ARID1B: variants seen among roughly 807,000 people sequenced by gnomAD.
ARID1B encodes the protein AT-rich interactive domain-containing protein 1B.
In ARID1B, 30 loss-of-function variants were observed where a neutral mutation model predicts 212.3. The observed-to-expected ratio is 0.14, with a 90% CI of 0.11 to 0.19. ARID1B has a LOEUF of 0.19. Among genes scored for constraint, ARID1B ranks in the 10% least tolerant of loss-of-function variants. ARID1B has a pLI of 1.00. For synonymous variants in ARID1B, 1,402 were observed against 1,301.7 expected (o/e 1.08, Z -1.66); for missense variants, 2,891 against 3,204.0 (o/e 0.90, Z 2.36).
At chr6:156,910,141 C>T (rs567797066) in intron 3 of ARID1B, among the ~76,000 whole-genome samples, 1 of 152,258 alleles carries the variant, frequency 6.6e-6, no homozygotes, top group Non-Finnish European at 1.5e-5. Flanking sequence ...TTGGTTGTCC[C>T]ACAACAGTGA....
intron 4 of ARID1B, among the ~76,000 whole-genome samples, chr6:157,039,156 T>C (rs1183704557): frequency 2.0e-5 from 3 of 152,048 alleles, no homozygotes; most frequent in East Asian, 3.8e-4. Flanking sequence ...ATTACAGGCG[T>C]TAGCCACTGC....
chr6:157,033,691 A>G (rs1311387266), intron 4 of ARID1B, among the ~76,000 whole-genome samples: 1 of 152,202 alleles, frequency 6.6e-6, no homozygotes, highest in Non-Finnish European at 1.5e-5. Flanking sequence ...TAGGAGAGTG[A>G]GGACTGTAAA....
At chr6:157,188,709 T>C (rs1279928915) in intron 13 of ARID1B, among the ~76,000 whole-genome samples, 1 of 152,194 alleles carries the variant, frequency 6.6e-6, no homozygotes, top group Non-Finnish European at 1.5e-5. Flanking sequence ...TATGTGAGCA[T>C]AGAAGAGAAC....
chr6:156,777,484 C>T lies in ARID1B; in HGVS notation c.-197C>T, dbSNP rs542937694. 12 of 150,948 alleles carry T rather than the reference C, an allele frequency of 7.9e-5. No homozygotes were observed. The highest frequency in any genetic ancestry group is 2.4e-5 in the African/African-American group (1 of 41,448). The allele number at this position is 150,948 out of a possible 1,614,324, so 9.4% of individuals were successfully genotyped here. A position where few individuals can be genotyped will look rare whatever the true frequency, so the allele number is the denominator to read the frequency against. On this transcript the variant is annotated 5_prime_UTR_variant, in exon 1 of 20. Transcript: ENST00000636930. ...TTAAACCTGAACTAAAAACTTTCAC[C>T]ATGAAAGCACACAGCAGGAGCAGGC...
intron 2 of ARID1B, among the ~76,000 whole-genome samples, chr6:156,884,320 G>T (rs1787335513): frequency 7.6e-6 from 1 of 131,624 alleles, no homozygotes; most frequent in Non-Finnish European, 1.7e-5. Flanking sequence ...GATAATTTAA[G>T]AATTTTTTTT....
chr6:157,175,195 C>A, intron 11 of ARID1B, 190 bp downstream of exon 11: 1 of 448,690 alleles, frequency 2.2e-6, no homozygotes, highest in Non-Finnish European at 3.5e-6. Context: ...AGTTTGCGTG[C>A]ATCAAAGAAG....
chr6:156,873,544 T>C (rs1016166634), intron 2 of ARID1B, among the ~76,000 whole-genome samples: 1 of 152,242 alleles, frequency 6.6e-6, no homozygotes, highest in Admixed American at 6.5e-5. Flanking sequence ...GAATAAATAT[T>C]ACTGAAGATC....
intron 8 of ARID1B, among the ~76,000 whole-genome samples, chr6:157,161,455 T>A (rs1021809697): frequency 2.5e-4 from 35 of 137,274 alleles, no homozygotes; most frequent in Middle Eastern, 3.6e-3. Context: ...ATATATATAT[T>A]TTGGCGGGGG....
At chr6:156,997,841 C>G (rs556705594) in intron 4 of ARID1B, among the ~76,000 whole-genome samples, 8 of 152,082 alleles carry the variant, frequency 5.3e-5, no homozygotes, top group Admixed American at 3.9e-4. Flanking sequence ...GAAAGATTTA[C>G]TGGAAGACTG....
chr6:156,929,266 T>C (rs1791502419), intron 3 of ARID1B, among the ~76,000 whole-genome samples: 2 of 152,236 alleles, frequency 1.3e-5, no homozygotes, highest in Admixed American at 6.5e-5. Context: ...CATGCCATCC[T>C]TGATGTGCAT....
intron 1 of ARID1B, among the ~76,000 whole-genome samples, chr6:156,797,435 G>A (rs1024210840): frequency 4.6e-5 from 7 of 152,314 alleles, no homozygotes; most frequent in African/African-American, 1.2e-4. Flanking sequence ...TCAGATGCCC[G>A]GCCTGAGCCT....
At chr6:156,918,116 T>A (rs916550138) in intron 3 of ARID1B, among the ~76,000 whole-genome samples, 2 of 152,330 alleles carry the variant, frequency 1.3e-5, no homozygotes, top group East Asian at 3.9e-4. Flanking sequence ...ATACTTTTTT[T>A]AAAGCTAAAA....
chr6:156,835,040 C>T lies in ARID1B; in HGVS notation c.1986+5619C>T, dbSNP rs1255006693. 5.3e-5 allele frequency among the ~76,000 whole-genome samples: 8 copies of T among 152,110 alleles called. No homozygotes were observed. In the East Asian group the frequency reaches 1.5e-3, roughly 29 times the overall value. On this transcript the variant is annotated intron_variant, in intron 2 of 19. Coordinates refer to ENST00000636930, the MANE Select transcript of ARID1B (RefSeq NM_001374828.1). ...ACGAGGTCAGGAGATAGATAGAGAC[C>T]ATCCTGACTAACACAGTGAAACCTT...
intron 4 of ARID1B, among the ~76,000 whole-genome samples, chr6:157,018,671 A>AC (rs1780052997): frequency 6.6e-6 from 1 of 152,216 alleles, no homozygotes; most frequent in African/African-American, 2.4e-5. Context: ...GGTTTCCAGC[A>AC]CATCTCTTTC....
chr6:157,036,669 G>T (rs1391106006), intron 4 of ARID1B: 2 of 353,868 alleles, frequency 5.7e-6, no homozygotes, highest in African/African-American at 2.1e-5. Context: ...TTTCAGCCCA[G>T]CTCTTGAAGA....
At chr6:156,794,856 A>T (rs192131173) in intron 1 of ARID1B, among the ~76,000 whole-genome samples, 2 of 152,286 alleles carry the variant, frequency 1.3e-5, no homozygotes, top group Admixed American at 1.3e-4. Context: ...CTGGGATTAC[A>T]GGCGTGAAGC....
At chr6:157,123,843 T>A (rs773740748) in intron 6 of ARID1B, among the ~76,000 whole-genome samples, 36 of 152,348 alleles carry the variant, frequency 2.4e-4, no homozygotes, top group Middle Eastern at 3.4e-3. Context: ...TCAGTTGTCA[T>A]CCACATTTTT....
chr6:156,925,598 T>G (rs1353829895), intron 3 of ARID1B, among the ~76,000 whole-genome samples: 1 of 152,200 alleles, frequency 6.6e-6, no homozygotes, highest in East Asian at 1.9e-4. Flanking sequence ...TCCTGAATAT[T>G]CTTTGGACTC....
intron 5 of ARID1B, among the ~76,000 whole-genome samples, chr6:157,093,209 A>G (rs762687439): frequency 2.0e-5 from 3 of 152,250 alleles, no homozygotes; most frequent in Non-Finnish European, 4.4e-5. Flanking sequence ...AATGAATAGT[A>G]CTTAGAGTCA....
Sources: allele counts gnomAD v4.1 joint callset (sites outside exome capture counted in the v4.1 genomes callset), GRCh38; gene constraint gnomAD v4.1.1; transcripts MANE v1.5; gene names NCBI Gene and HGNC (gene_info 2026-07-23, HGNC 2026-07-21).